TSBP1: variants seen among roughly 807,000 people sequenced by gnomAD.
TSBP1 encodes testis expressed basic protein 1.
TSBP1 carries 56 observed loss-of-function variants against 68.8 expected under a neutral mutation model. The observed-to-expected ratio is 0.81, with a 90% confidence interval of 0.66 to 1.02. The LOEUF is 1.02. Among genes scored for constraint, TSBP1 ranks in the 50% least tolerant of loss-of-function variants. The pLI, the probability that TSBP1 is intolerant of heterozygous loss-of-function variation, is 0.00. For synonymous variants in TSBP1, 171 were observed against 208.7 expected (o/e 0.82, Z 1.56); for missense variants, 502 against 641.2 (o/e 0.78, Z 2.34).
chr6:32,311,938 G>C (rs1293545859), intron 19 of TSBP1, among the ~76,000 whole-genome samples: 1 of 152,182 alleles, frequency 6.6e-6, no homozygotes, highest in Non-Finnish European at 1.5e-5. Flanking sequence ...TGAGCCTCCT[G>C]AGGGTTCAGT....
exon 23 of TSBP1, chr6:32,293,503 G>A: frequency 6.8e-6 from 11 of 1,609,574 alleles, no homozygotes; most frequent in Non-Finnish European, 9.3e-6. Context: ...GTCCCTTTGA[G>A]ACACCAGACT....
rs1180119637 is a variant in TSBP1 at position 32,293,560 on chromosome 6, ACT to A, written c.1111_1112del (p.Ser371Ter). ...CCTGTCTTCTTGGCACACCCATCTC[ACT>A]CTTCTCTACCTGGGCTTCCTGTCCT... On this transcript the variant is annotated frameshift_variant, in exon 23 of 23. Coordinates refer to ENST00000612031, the Ensembl canonical transcript of TSBP1. LOFTEE classifies it low-confidence loss of function (END_TRUNC). 1 of 1,608,826 alleles carries A rather than the reference ACT, an allele frequency of 6.2e-7. No individual in the cohort carries two copies. The highest frequency in any genetic ancestry group is 8.5e-7 in the Non-Finnish European group (1 of 1,179,054).
Position 32,338,888 on chromosome 6 carries a change from T to A in TSBP1, c.409+91A>T, listed in dbSNP as rs1440798582. ...AGGAATGGACAATTTGTGAAAGAAA[T>A]AAAAAAATCTAGGAATATGAGTGTC... On this transcript the variant is annotated intron_variant, in intron 11 of 22. Coordinates refer to ENST00000612031, the Ensembl canonical transcript of TSBP1. The surrounding 1 kb of genome is among the most constrained non-coding windows in gnomAD (Gnocchi z 5.5). The A allele has an allele frequency of 9.8e-7, 1 of 1,025,626 alleles. No individual in the cohort carries two copies. Among genetic ancestry groups the A allele is most frequent in the Non-Finnish European group, 1.5e-6 (1 of 650,318 alleles). The allele number at this position is 1,025,626 out of a possible 1,614,324, so 63.5% of individuals were successfully genotyped here.
At chr6:32,364,970 T>G (rs1773497785) in intron 6 of TSBP1, among the ~76,000 whole-genome samples, 1 of 152,114 alleles carries the variant, frequency 6.6e-6, no homozygotes, top group Non-Finnish European at 1.5e-5. Context: ...CGTGGCTCAC[T>G]GCAGCATCAA....
At chr6:32,322,966 G>T (rs1285841947) in intron 18 of TSBP1, 151 bp downstream of exon 19, 3 of 582,446 alleles carry the variant, frequency 5.2e-6, no homozygotes, top group Non-Finnish European at 9.1e-6. Context: ...TGCTAGCTTA[G>T]TCCCACTTTT....
In TSBP1 at chr6:32,354,056, A is replaced by G. The variant is rs117794128; in HGVS notation, c.259+1068T>C. On this transcript the variant is annotated intron_variant, in intron 8 of 22. Coordinates refer to ENST00000612031, the Ensembl canonical transcript of TSBP1. Reference sequence around the variant, plus strand: ...AAAAGCAGAAACTCTAAAAGAAAACAAGAGATTGACAAATTTTATTACAAT... The same window carrying G: ...AAAAGCAGAAACTCTAAAAGAAAACGAGAGATTGACAAATTTTATTACAAT... Among the ~76,000 whole-genome samples, 1,515 of 152,128 alleles carry G rather than the reference A, an allele frequency of 1.0e-2. 48 individuals carry two copies. Among genetic ancestry groups the G allele is most frequent in the East Asian group, 0.089 (463 of 5,190 alleles).
chr6:32,367,970 G>T lies in TSBP1; in HGVS notation c.134-13C>A. On this transcript the variant is annotated splice_polypyrimidine_tract_variant and intron_variant, in intron 3 of 22. Coordinates refer to ENST00000612031, the Ensembl canonical transcript of TSBP1. The stretch of plus-strand genomic sequence containing the variant: ...AGAAGTCTAGCACCTAGAAAAAAAG[G>T]GAGAGCACATGATTTTGCTTCTTGA... 6.2e-7 allele frequency: 1 copy of T among 1,602,220 alleles called. No homozygotes were observed. Among genetic ancestry groups the T allele is most frequent in the South Asian group, 1.1e-5 (1 of 90,276 alleles).
At chr6:32,300,893 T>G (rs1265883735) in intron 20 of TSBP1, among the ~76,000 whole-genome samples, 193 bp from the exon 24 acceptor site, 1 of 152,250 alleles carries the variant, frequency 6.6e-6, no homozygotes, top group Non-Finnish European at 1.5e-5. Context: ...ATAAGCTACT[T>G]TAAATCACCT....
chr6:32,329,937 C>T (rs536329851), intron 16 of TSBP1, among the ~76,000 whole-genome samples: 19 of 152,196 alleles, frequency 1.2e-4, no homozygotes, highest in Admixed American at 6.5e-5. Context: ...ATATGTGATG[C>T]TTCTGCCAGT....
intron 21 of TSBP1, 89 bp from the exon 25 acceptor site, chr6:32,300,025 TAGAAAC>T (rs1410063054): frequency 9.4e-7 from 1 of 1,065,894 alleles, no homozygotes; most frequent in Non-Finnish European, 1.5e-6. Flanking sequence ...TAGGTGAACT[TAGAAAC>T]AGGACTTGGA....
chr6:32,317,127 A>G (rs930844287), intron 18 of TSBP1, among the ~76,000 whole-genome samples: 1 of 152,194 alleles, frequency 6.6e-6, no homozygotes, highest in African/African-American at 2.4e-5. Flanking sequence ...TCAATGCAAC[A>G]GAATACAGAG....
At chr6:32,332,004 G>A (rs1239590999) in intron 15 of TSBP1, 30 bp downstream of exon 16, 1 of 1,545,630 alleles carries the variant, frequency 6.5e-7, no homozygotes, top group African/African-American at 1.4e-5. Context: ...GAAGCCAGTA[G>A]AGATAAGTTG....
intron 21 of TSBP1, 131 bp downstream of exon 24, chr6:32,300,549 G>A (rs1765179146): frequency 3.9e-6 from 3 of 764,828 alleles, no homozygotes; most frequent in Non-Finnish European, 6.9e-6. Flanking sequence ...TGAAATATGA[G>A]GAAATCACTT....
intron 9 of TSBP1, among the ~76,000 whole-genome samples, chr6:32,346,377 T>C (rs78363691): frequency 0.04 from 5,907 of 149,124 alleles, 229 homozygotes; most frequent in South Asian, 0.1. Context: ...GGATGCTTAT[T>C]ATCATAATGC....
rs1475952231 is a variant in TSBP1 at position 32,365,185 on chromosome 6, C to T, written c.217+982G>A. Among the ~76,000 whole-genome samples, 1 of 152,112 alleles carries T rather than the reference C, an allele frequency of 6.6e-6. No homozygotes were observed. Among genetic ancestry groups the T allele is most frequent in the Non-Finnish European group, 1.5e-5 (1 of 68,026 alleles). Reference sequence around the variant, plus strand: ...GGGATTTCAGGCATGAACTACCACACCCAGGGTAGATGGGATTTCTAAGAT... The same window carrying T: ...GGGATTTCAGGCATGAACTACCACATCCAGGGTAGATGGGATTTCTAAGAT... On this transcript the variant is annotated intron_variant, in intron 6 of 22. Transcript: ENST00000612031. The surrounding 1 kb of genome is among the most constrained non-coding windows in gnomAD (Gnocchi z 4.3).
intron 19 of TSBP1, among the ~76,000 whole-genome samples, chr6:32,305,221 C>T (rs930906159): frequency 1.3e-5 from 2 of 152,140 alleles, no homozygotes; most frequent in African/African-American, 4.8e-5. Context: ...AGAAACTCCC[C>T]AGGCCTTCAC....
At position 32,315,679 on chromosome 6, in the gene TSBP1, G is replaced by T; in HGVS notation, c.580+93C>A. The T allele has an allele frequency of 2.5e-6, 2 of 805,362 alleles. No individual in the cohort carries two copies. Among genetic ancestry groups the T allele is most frequent in the Non-Finnish European group, 3.7e-6 (2 of 535,900 alleles). 49.9% of individuals were successfully genotyped at this position (805,362 alleles called of 1,614,324 possible). A position where few individuals can be genotyped will look rare whatever the true frequency, so the allele number is the denominator to read the frequency against. ...GGGTAATGTAGAAGCAAATGAATAT[G>T]AGAAATATGAGTCTCAATCTTTTGG... On this transcript the variant is annotated intron_variant, in intron 19 of 22. Coordinates refer to ENST00000612031, the Ensembl canonical transcript of TSBP1. The surrounding 1 kb of genome is among the most constrained non-coding windows in gnomAD (Gnocchi z 5.4).
intron 1 of TSBP1, among the ~76,000 whole-genome samples, chr6:32,370,808 G>A (rs972403874): frequency 6.7e-6 from 1 of 149,334 alleles, no homozygotes; most frequent in African/African-American, 2.5e-5. Context: ...ATATCATATG[G>A]TTATAAAGGG....
intron 22 of TSBP1, among the ~76,000 whole-genome samples, chr6:32,299,274 T>C (rs115174216): frequency 0.046 from 7,016 of 152,254 alleles, 365 homozygotes; most frequent in African/African-American, 0.13. Flanking sequence ...ATAAGAGATG[T>C]TACTTTTGTA....
Sources: gnomAD v4.1 joint callset for allele counts (sites outside exome capture counted in the v4.1 genomes callset) on GRCh38, gnomAD v4.1.1 for gene constraint, Gnocchi (gnomAD v3.1) non-coding constraint, MANE v1.5 for transcripts, NCBI Gene and HGNC (gene_info 2026-07-23, HGNC 2026-07-21) for gene names.